Variants in ACTMAP observed in about 807,000 individuals in gnomAD.
ACTMAP encodes actin maturation protease.
the ACTMAP span, among the ~76,000 whole-genome samples, chr19:40,748,965 A>G: frequency 6.9e-6 from 1 of 144,514 alleles, no homozygotes; most frequent in Non-Finnish European, 1.5e-5. Flanking sequence ...TGTCTCTCTC[A>G]CTAGACTGGG....
chr19:40,744,302 T>C, the ACTMAP span: 5 of 1,420,092 alleles, frequency 3.5e-6, no homozygotes, highest in Non-Finnish European at 3.7e-6. Context: ...CTTCCACCCC[T>C]TGGTACAAAT....
the ACTMAP span, among the ~76,000 whole-genome samples, chr19:40,748,153 A>C: frequency 2.4e-3 from 370 of 152,204 alleles, 2 homozygotes; most frequent in African/African-American, 8.6e-3. Flanking sequence ...CAGTGGGGGC[A>C]TTTAGGGAAG....
At chr19:40,742,643 C>G in the ACTMAP span, 1 of 1,613,136 alleles carries the variant, frequency 6.2e-7, no homozygotes, top group South Asian at 1.1e-5. Flanking sequence ...AGACAGCTCC[C>G]GGGGAGCCCT....
At chr19:40,744,763 C>G in the ACTMAP span, 1 of 1,500,662 alleles carries the variant, frequency 6.7e-7, no homozygotes, top group East Asian at 2.4e-5. Context: ...AACAGGTTTG[C>G]TGCCCTGGAG....
chr19:40,748,878 G>A, the ACTMAP span, among the ~76,000 whole-genome samples: 2 of 151,924 alleles, frequency 1.3e-5, no homozygotes, highest in African/African-American at 4.8e-5. Flanking sequence ...CCCAGCCTGG[G>A]TCAGACACCC....
the ACTMAP span, chr19:40,742,257 A>G: frequency 9.3e-5 from 70 of 752,268 alleles, no homozygotes; most frequent in African/African-American, 8.8e-4. Context: ...GCTGTTGTCA[A>G]TCTCTCCCTA....
the ACTMAP span, chr19:40,745,029 G>A: frequency 1.6e-5 from 22 of 1,384,022 alleles, no homozygotes; most frequent in Non-Finnish European, 2.2e-5. Context: ...CCTCCCAGCA[G>A]GGACAATCCA....
chr19:40,747,538 C>CTAAATAAA, the ACTMAP span, among the ~76,000 whole-genome samples: 181 of 151,202 alleles, frequency 1.2e-3, 2 homozygotes, highest in African/African-American at 4.3e-3. Context: ...AACTCCATCT[C>CTAAATAAA]TAAATAAATA....
the ACTMAP span, chr19:40,743,780 G>T: frequency 8.4e-7 from 1 of 1,196,688 alleles, no homozygotes; most frequent in Non-Finnish European, 1.2e-6. Context: ...AGCCTGCCCG[G>T]TGCTAATGCT....
chr19:40,744,270 T>C, the ACTMAP span: 1 of 1,468,846 alleles, frequency 6.8e-7, no homozygotes, highest in African/African-American at 1.4e-5. Context: ...CAGTGGGCGA[T>C]GCTTCCAACC....
At chr19:40,749,407 C>CCA in the ACTMAP span, 1 of 1,402,220 alleles carries the variant, frequency 7.1e-7, no homozygotes, top group Non-Finnish European at 9.7e-7. Flanking sequence ...CACGGGAACC[C>CCA]CCCCCCCACC....
the ACTMAP span, among the ~76,000 whole-genome samples, chr19:40,745,902 C>T: frequency 6.6e-6 from 1 of 152,182 alleles, no homozygotes; most frequent in Non-Finnish European, 1.5e-5. Flanking sequence ...GAATTCCTGA[C>T]CTCAGGTTAT....
chr19:40,748,928 G>C, the ACTMAP span, among the ~76,000 whole-genome samples: 2 of 150,130 alleles, frequency 1.3e-5, no homozygotes, highest in South Asian at 4.2e-4. Context: ...ACTCTGGGTT[G>C]TCACTGTCTG....
chr19:40,743,592 C>T, the ACTMAP span, among the ~76,000 whole-genome samples: 1 of 152,122 alleles, frequency 6.6e-6, no homozygotes, highest in Non-Finnish European at 1.5e-5. Flanking sequence ...GAGGTGGGTA[C>T]TGTTACCCCC....
chr19:40,749,731 T>C, the ACTMAP span: 2 of 1,508,612 alleles, frequency 1.3e-6, no homozygotes, highest in African/African-American at 1.4e-5. Context: ...GATGGAATGC[T>C]GCTGGCTTGG....
the ACTMAP span, among the ~76,000 whole-genome samples, chr19:40,747,539 T>C: frequency 7.3e-6 from 1 of 136,666 alleles, no homozygotes; most frequent in African/African-American, 3.5e-5. Flanking sequence ...ACTCCATCTC[T>C]AAATAAATAA....
the ACTMAP span, chr19:40,744,336 G>A: frequency 6.5e-5 from 90 of 1,382,080 alleles, no homozygotes; most frequent in South Asian, 3.5e-4. Context: ...CACAAAGAGC[G>A]TGAGTGGCTT....
chr19:40,745,612 G>A, the ACTMAP span, among the ~76,000 whole-genome samples: 1 of 152,132 alleles, frequency 6.6e-6, no homozygotes, highest in Non-Finnish European at 1.5e-5. Flanking sequence ...TATTCCTCCT[G>A]CCTCGGCTTC....
chr19:40,744,001 G>A, the ACTMAP span: 13 of 1,613,728 alleles, frequency 8.1e-6, no homozygotes, highest in Admixed American at 3.3e-5. Context: ...AGGTAAAAAC[G>A]ATGGTGTGGC....
Sources: gnomAD v4.1 joint callset for allele counts (sites outside exome capture counted in the v4.1 genomes callset) on GRCh38, gnomAD v4.1.1 for gene constraint, MANE v1.5 for transcripts, NCBI Gene and HGNC (gene_info 2026-07-23, HGNC 2026-07-21) for gene names.